COL6A6: variants seen among roughly 807,000 people sequenced by gnomAD.
COL6A6 encodes the protein collagen alpha-6(VI) chain.
COL6A6 carries 183 observed loss-of-function variants against 208.6 expected under a neutral mutation model. The observed-to-expected ratio is 0.88, with a 90% CI of 0.78 to 0.99. The LOEUF (loss-of-function observed/expected upper bound fraction) is 0.99. COL6A6 is among the 50% of genes least tolerant of loss of function. The pLI is 0.00. For missense variants in COL6A6, 2,816 were observed against 2,815.2 expected, an observed-to-expected ratio of 1.00 and a Z score of -0.01; for synonymous variants, 973 against 1,011.8, an observed-to-expected ratio of 0.96 and a Z score of 0.73.
Position 130,623,672 on chromosome 3 carries a change from C to T in COL6A6, c.4878+1789C>T, listed in dbSNP as rs564697962. ...TCGTGTATGAGGGGTAACCCTATCACAGACATAGGAAAGTCATTAGGAAGA... is the reference window on the plus strand; with the variant it reads ...TCGTGTATGAGGGGTAACCCTATCATAGACATAGGAAAGTCATTAGGAAGA... On this transcript the variant is annotated intron_variant, in intron 24 of 36. Coordinates refer to ENST00000358511, the MANE Select transcript of COL6A6 (RefSeq NM_001102608.3). Among the ~76,000 whole-genome samples, 3 of 152,160 alleles carry T rather than the reference C, an allele frequency of 2.0e-5. No individual in the cohort carries two copies. The South Asian group carries it at 6.2e-4, about 32-fold the overall frequency.
At chr3:130,673,225 A>C (rs2066274313) in intron 36 of COL6A6, among the ~76,000 whole-genome samples, 1 of 151,402 alleles carries the variant, frequency 6.6e-6, no homozygotes, top group East Asian at 1.9e-4. Context: ...AACAAAAAAA[A>C]AAAACAAAAC....
chr3:130,661,945 C>T lies in COL6A6; in HGVS notation c.6139C>T (p.His2047Tyr). Residue 2047 changes from histidine (H) to tyrosine (Y), a missense_variant, in exon 35 of 37, where the codon CAT (histidine) becomes TAT (tyrosine). By Grantham distance (83) the His-to-Tyr change is moderately conservative. Coordinates refer to ENST00000358511, the MANE Select transcript of COL6A6 (RefSeq NM_001102608.3). Reference protein sequence around the residue: ...TYRSKRLMKRHVHESVKQLNG... With the variant: ...TYRSKRLMKRYVHESVKQLNG... Reference sequence around the variant, plus strand: ...CAGAAGTAAGCGCCTCATGAAGAGGCATGTGCACGAGTCAGTTAAACAACT... The same window carrying T: ...CAGAAGTAAGCGCCTCATGAAGAGGTATGTGCACGAGTCAGTTAAACAACT... 6.2e-7 allele frequency: 1 copy of T among 1,613,972 alleles called. No homozygotes were observed. Among genetic ancestry groups the T allele is most frequent in the Non-Finnish European group, 8.5e-7 (1 of 1,179,868 alleles).
intron 33 of COL6A6, among the ~76,000 whole-genome samples, chr3:130,652,508 G>A (rs887284717): frequency 6.6e-6 from 1 of 152,152 alleles, no homozygotes; most frequent in Admixed American, 6.5e-5. Context: ...TTATACACCA[G>A]GTACTGTCCT....
At chr3:130,593,150 A>G (rs1560039968) in intron 16 of COL6A6, 45 bp downstream of exon 16, 1 of 1,611,482 alleles carries the variant, frequency 6.2e-7, no homozygotes, top group Non-Finnish European at 8.5e-7. Context: ...GCTATTTACC[A>G]TTATGAAAAC....
rs571262156 is a variant in COL6A6 at position 130,569,768 on chromosome 3, T to G, written c.2402-1050T>G. 5.3e-5 allele frequency among the ~76,000 whole-genome samples: 8 copies of G among 152,308 alleles called. No individual in the cohort carries two copies. In the East Asian group the frequency reaches 9.6e-4, roughly 18 times the overall value. On this transcript the variant is annotated intron_variant, in intron 6 of 36. Coordinates refer to ENST00000358511, the MANE Select transcript of COL6A6 (RefSeq NM_001102608.3). ...TCAAAGACCACGGGGACATAGTTCT[T>G]CTACGTAAATTCCCAAGTACAGCCA...
intron 20 of COL6A6, among the ~76,000 whole-genome samples, chr3:130,600,286 C>T (rs1285389566): frequency 6.6e-6 from 1 of 152,156 alleles, no homozygotes; most frequent in Non-Finnish European, 1.5e-5. Context: ...ATTAGTTCAA[C>T]CATTGTGGAA....
chr3:130,529,972 G>A (rs1329406926), intron 1 of COL6A6, among the ~76,000 whole-genome samples: 6 of 152,280 alleles, frequency 3.9e-5, no homozygotes, highest in South Asian at 4.2e-4. Flanking sequence ...CAGCCCTTCC[G>A]TATTAGCATC....
intron 13 of COL6A6, among the ~76,000 whole-genome samples, chr3:130,591,488 T>A (rs2063715253): frequency 6.6e-6 from 1 of 152,196 alleles, no homozygotes; most frequent in African/African-American, 2.4e-5. Flanking sequence ...CAAACATTTG[T>A]TTACCAATTA....
chr3:130,567,990 C>T (rs912025224), intron 5 of COL6A6, 57 bp from the exon 6 acceptor site: 46 of 1,402,022 alleles, frequency 3.3e-5, no homozygotes, highest in African/African-American at 4.3e-5. Flanking sequence ...TTCCTGTTTA[C>T]TCTGAACTTT....
At chr3:130,591,005 T>C (rs1300865087) in intron 12 of COL6A6, 36 bp from the exon 13 acceptor site, 1 of 1,520,150 alleles carries the variant, frequency 6.6e-7, no homozygotes, top group Non-Finnish European at 9.0e-7. Flanking sequence ...TTTTGGTCCA[T>C]AGATGCAAAT....
At chr3:130,605,368 A>C (rs2064151382) in intron 20 of COL6A6, among the ~76,000 whole-genome samples, 4 of 145,896 alleles carry the variant, frequency 2.7e-5, no homozygotes, top group African/African-American at 8.1e-5. Flanking sequence ...CCCTGAGGTC[A>C]GGACTGTGTG....
In COL6A6 at chr3:130,581,974, T is replaced by C. The variant is rs1164734719; in HGVS notation, c.3892-16T>C. ...CCCTTTTTAATTCATTTTACTTTTT[T>C]TGAATACTTTCTTAGGTGGTCCTTT... On this transcript the variant is annotated splice_polypyrimidine_tract_variant and intron_variant, in intron 9 of 36. Transcript: ENST00000358511. The C allele has an allele frequency of 6.2e-7, 1 of 1,602,216 alleles. No homozygotes were observed. Among genetic ancestry groups the C allele is most frequent in the African/African-American group, 1.4e-5 (1 of 74,034 alleles).
chr3:130,576,015 C>T (rs1393230918), intron 8 of COL6A6, among the ~76,000 whole-genome samples: 1 of 152,140 alleles, frequency 6.6e-6, no homozygotes, highest in African/African-American at 2.4e-5. Flanking sequence ...TCTGTCCCCT[C>T]CAGGGGCTTC....
chr3:130,589,217 T>C lies in COL6A6; in HGVS notation c.4218+35T>C, dbSNP rs757532293. On this transcript the variant is annotated intron_variant, in intron 12 of 36. Coordinates refer to ENST00000358511, the MANE Select transcript of COL6A6 (RefSeq NM_001102608.3). ...GCTCAGATTTATGGGTTACTTTGAG[T>C]TGTAGTATGTCCTTCAGACATGGGT... is the stretch of plus-strand genomic sequence containing the variant. The C allele has an allele frequency of 2.6e-5, 38 of 1,457,536 alleles. No individual in the cohort carries two copies. In the African/African-American group the frequency reaches 4.3e-4, roughly 17 times the overall value. The allele number at this position is 1,457,536 out of a possible 1,614,324, so 90.3% of individuals were successfully genotyped here.
At chr3:130,611,746 G>A (rs2064365240) in intron 23 of COL6A6, among the ~76,000 whole-genome samples, 1 of 152,040 alleles carries the variant, frequency 6.6e-6, no homozygotes, top group African/African-American at 2.4e-5. Context: ...AATTTAAGAG[G>A]CTATTTGCAT....
intron 33 of COL6A6, among the ~76,000 whole-genome samples, chr3:130,656,636 G>A (rs1017903965): frequency 6.6e-6 from 1 of 152,168 alleles, no homozygotes; most frequent in African/African-American, 2.4e-5. Flanking sequence ...TGAAGGTGGG[G>A]TTTCACTGAG....
chr3:130,565,749 GA>G lies in COL6A6; in HGVS notation c.1282+139del, dbSNP rs1399891764. On this transcript the variant is annotated intron_variant, in intron 4 of 36. Coordinates refer to ENST00000358511, the MANE Select transcript of COL6A6 (RefSeq NM_001102608.3). ...GTTCCTAATTCTTTTACTTGAGCTTGAAAATATGAAGCCTAATTTGGGGACA... is the reference window on the plus strand; with the variant it reads ...GTTCCTAATTCTTTTACTTGAGCTTGAAATATGAAGCCTAATTTGGGGACA... 6 of 1,091,428 alleles carry G rather than the reference GA, an allele frequency of 5.5e-6. No homozygotes were observed. In the African/African-American group the frequency reaches 9.5e-5, roughly 17 times the overall value. The allele number at this position is 1,091,428 out of a possible 1,614,324, so 67.6% of individuals were successfully genotyped here.
In COL6A6 at chr3:130,570,910, A is replaced by G. The variant is rs749351432; in HGVS notation, c.2494A>G (p.Met832Val). 3 of 1,614,000 alleles carry G rather than the reference A, an allele frequency of 1.9e-6. No homozygotes were observed. Among genetic ancestry groups the G allele is most frequent in the South Asian group, 1.1e-5 (1 of 91,082 alleles). Residue 832 changes from methionine to valine, a missense_variant, in exon 7 of 37, where the codon ATG (methionine) becomes GTG (valine). Met to Val is a conservative substitution (Grantham distance 21). Coordinates refer to ENST00000358511, the MANE Select transcript of COL6A6 (RefSeq NM_001102608.3). ...YDEYNIMKDF[M>V]IGLVKKADVG... is the part of the protein sequence containing the mutation. ...TGAGTATAATATCATGAAGGATTTT[A>G]TGATTGGCTTAGTGAAAAAAGCTGA...
At chr3:130,643,972 G>A (rs41447652) in intron 31 of COL6A6, among the ~76,000 whole-genome samples, 67,709 of 151,924 alleles carry the variant, frequency 0.45, 17,363 homozygotes, top group African/African-American at 0.69. Context: ...TTGGGGCTCA[G>A]TTAGTGCGGT....
Sources: allele counts gnomAD v4.1 joint callset (sites outside exome capture counted in the v4.1 genomes callset), GRCh38; gene constraint gnomAD v4.1.1; transcripts MANE v1.5; gene names NCBI Gene and HGNC (gene_info 2026-07-23, HGNC 2026-07-21).